The following MAP3K21 variants were observed in gnomAD, a reference collection of about 807,000 sequenced individuals.
MAP3K21 encodes the protein mitogen-activated protein kinase kinase kinase MLK4.
A neutral mutation model predicts 86.1 loss-of-function variants in MAP3K21; 63 were observed. The observed-to-expected ratio is 0.73, with a 90% CI of 0.60 to 0.90. The LOEUF (loss-of-function observed/expected upper bound fraction) is 0.90, where lower values mean the gene tolerates loss of function less well. Ranked by LOEUF, MAP3K21 falls within the 40% of genes least tolerant of loss-of-function variation. The pLI is 0.00. For missense variants in MAP3K21, 1,220 were observed against 1,367.7 expected (o/e 0.89, Z 1.70); for synonymous variants, 558 against 564.8 (o/e 0.99, Z 0.17).
At chr1:233,364,675 G>A (rs1308953111) in intron 5 of MAP3K21, among the ~76,000 whole-genome samples, 14 of 152,048 alleles carry the variant, frequency 9.2e-5, no homozygotes, top group Admixed American at 7.9e-4. Flanking sequence ...TTTTACCTGA[G>A]TTGTTTTTTT....
intron 5 of MAP3K21, among the ~76,000 whole-genome samples, chr1:233,369,454 G>C (rs1663644207): frequency 6.6e-6 from 1 of 152,078 alleles, no homozygotes; most frequent in African/African-American, 2.4e-5. Flanking sequence ...AGAAGATGAA[G>C]AAAGAGAATA....
chr1:233,360,120 G>T (rs1376539723), intron 4 of MAP3K21, among the ~76,000 whole-genome samples: 1 of 152,120 alleles, frequency 6.6e-6, no homozygotes, highest in African/African-American at 2.4e-5. Context: ...TTTAACAATA[G>T]CTAATTGGAT....
intron 8 of MAP3K21, among the ~76,000 whole-genome samples, 181 bp from the exon 9 acceptor site, chr1:233,378,750 G>A (rs910951196): frequency 1.3e-5 from 2 of 152,130 alleles, no homozygotes; most frequent in East Asian, 1.9e-4. Context: ...GAAGTTGTAG[G>A]GCCCTAGACT....
intron 1 of MAP3K21, among the ~76,000 whole-genome samples, chr1:233,331,513 CAG>C (rs1229873294): frequency 6.6e-6 from 1 of 152,162 alleles, no homozygotes; most frequent in Non-Finnish European, 1.5e-5. Flanking sequence ...TTAAGTATAA[CAG>C]ATACTCTATT....
At chr1:233,378,471 C>A (rs183791002) in intron 8 of MAP3K21, among the ~76,000 whole-genome samples, 4 of 152,316 alleles carry the variant, frequency 2.6e-5, no homozygotes, top group Non-Finnish European at 4.4e-5. Context: ...CCAGGCCACA[C>A]ACTTTGAGAA....
At chr1:233,359,547 G>T (rs1188561991) in intron 4 of MAP3K21, among the ~76,000 whole-genome samples, 1 of 152,172 alleles carries the variant, frequency 6.6e-6, no homozygotes, top group Non-Finnish European at 1.5e-5. Flanking sequence ...GAGTAACTTG[G>T]CTGTGGTCTG....
intron 1 of MAP3K21, among the ~76,000 whole-genome samples, chr1:233,330,235 T>C (rs78589583): frequency 0.012 from 1,818 of 152,244 alleles, 41 homozygotes; most frequent in African/African-American, 0.042. Context: ...TGATCCTCCT[T>C]CCCCCCAAGT....
intron 1 of MAP3K21, among the ~76,000 whole-genome samples, chr1:233,341,090 G>A (rs1411990769): frequency 2.6e-5 from 4 of 152,180 alleles, no homozygotes; most frequent in Non-Finnish European, 5.9e-5. Context: ...TGGGGCTAAC[G>A]AGGGTCAAAA....
Position 233,383,992 on chromosome 1 carries a change from C to G in MAP3K21, c.*1281C>G, listed in dbSNP as rs1663963521. 1 of 152,144 alleles carries G rather than the reference C, an allele frequency of 6.6e-6. No homozygotes were observed. Among genetic ancestry groups the G allele is most frequent in the Non-Finnish European group, 1.5e-5 (1 of 68,012 alleles). The allele number at this position is 152,144 out of a possible 1,614,324, so 9.4% of individuals were successfully genotyped here. On this transcript the variant is annotated 3_prime_UTR_variant, in exon 10 of 10. Coordinates refer to ENST00000366624, the MANE Select transcript of MAP3K21 (RefSeq NM_032435.3). ...TGGTGCAGAAATGGCTACCCGAGAGCTTGGTAAATTTGCCTTGGTTTCTTA... is the reference window on the plus strand; with the variant it reads ...TGGTGCAGAAATGGCTACCCGAGAGGTTGGTAAATTTGCCTTGGTTTCTTA...
At chr1:233,380,949 T>C (rs1663901995) in intron 9 of MAP3K21, among the ~76,000 whole-genome samples, 2 of 152,324 alleles carry the variant, frequency 1.3e-5, no homozygotes, top group South Asian at 4.1e-4. Context: ...TGCTATCATG[T>C]GCTAGAATGT....
chr1:233,332,841 T>G (rs1662835783), intron 1 of MAP3K21, among the ~76,000 whole-genome samples: 1 of 152,190 alleles, frequency 6.6e-6, no homozygotes, highest in South Asian at 2.1e-4. Context: ...TGTTCTATTT[T>G]TTTTTTCTTA....
At chr1:233,362,407 A>G in intron 5 of MAP3K21, 114 bp downstream of exon 5, 1 of 1,087,214 alleles carries the variant, frequency 9.2e-7, no homozygotes, top group East Asian at 2.4e-5. Flanking sequence ...TAAAACAGTG[A>G]ATGAATGAGT....
intron 4 of MAP3K21, among the ~76,000 whole-genome samples, chr1:233,357,209 A>G (rs1663375936): frequency 6.6e-6 from 1 of 152,186 alleles, no homozygotes; most frequent in Non-Finnish European, 1.5e-5. Flanking sequence ...AACAATGAGA[A>G]CGCTTGGACA....
intron 2 of MAP3K21, among the ~76,000 whole-genome samples, chr1:233,352,364 A>T (rs1663266111): frequency 6.6e-6 from 1 of 151,540 alleles, no homozygotes; most frequent in Non-Finnish European, 1.5e-5. Context: ...TATATGATAT[A>T]TTATTGCTAA....
intron 2 of MAP3K21, among the ~76,000 whole-genome samples, chr1:233,350,150 T>C (rs1369475190): frequency 6.6e-6 from 1 of 152,180 alleles, no homozygotes; most frequent in African/African-American, 2.4e-5. Flanking sequence ...CTTTAAAGCA[T>C]CTCTAGATTA....
At chr1:233,381,766 A>C (rs1663920287) in intron 9 of MAP3K21, among the ~76,000 whole-genome samples, 1 of 152,216 alleles carries the variant, frequency 6.6e-6, no homozygotes, top group Admixed American at 6.5e-5. Flanking sequence ...AACATTATTC[A>C]GTTCTTCAGT....
At chr1:233,329,264 C>G (rs372468802) in intron 1 of MAP3K21, among the ~76,000 whole-genome samples, 1 of 152,120 alleles carries the variant, frequency 6.6e-6, no homozygotes, top group Non-Finnish European at 1.5e-5. Flanking sequence ...CACTCGGGGA[C>G]GTCAACTTTA....
intron 5 of MAP3K21, among the ~76,000 whole-genome samples, chr1:233,362,828 G>A (rs1663489695): frequency 6.6e-6 from 1 of 151,860 alleles, no homozygotes; most frequent in South Asian, 2.1e-4. Flanking sequence ...AGTAAATCTA[G>A]GGAAGCTTTT....
intron 5 of MAP3K21, among the ~76,000 whole-genome samples, chr1:233,365,486 A>G (rs943425751): frequency 6.6e-6 from 1 of 152,242 alleles, no homozygotes; most frequent in Admixed American, 6.5e-5. Context: ...GACATTTCTC[A>G]AAAGAAGACA....
Sources: gnomAD v4.1 joint callset for allele counts (sites outside exome capture counted in the v4.1 genomes callset) on GRCh38, gnomAD v4.1.1 for gene constraint, MANE v1.5 for transcripts, NCBI Gene and HGNC (gene_info 2026-07-23, HGNC 2026-07-21) for gene names.